The following POM121 variants were observed in gnomAD, a reference collection of about 807,000 sequenced individuals.
The protein encoded by POM121 is POM121 transmembrane nucleoporin.
Under a neutral mutation model 81.3 loss-of-function variants are expected in POM121, and 32 were observed. The ratio of observed to expected loss-of-function variants is 0.39; its 90% CI spans 0.30 to 0.53. The LOEUF (loss-of-function observed/expected upper bound fraction) is 0.53, where lower values mean the gene tolerates loss of function less well. POM121 is among the 20% of genes least tolerant of loss of function. The pLI is 0.66. For missense variants in POM121, 1,138 were observed against 1,614.6 expected, an observed-to-expected ratio of 0.70 and a Z score of 5.06; for synonymous variants, 514 against 694.2, an observed-to-expected ratio of 0.74 and a Z score of 4.08.
chr7:72,895,001 A>C (rs1554491520), intron 3 of POM121, among the ~76,000 whole-genome samples: 3 of 151,990 alleles, frequency 2.0e-5, no homozygotes, highest in Non-Finnish European at 2.9e-5. Context: ...AATTTTTAAA[A>C]ATTTTCTATA....
upstream of POM121, chr7:72,924,970 C>T: frequency 7.9e-7 from 1 of 1,263,878 alleles, no homozygotes; most frequent in South Asian, 2.2e-5. Context: ...TAAAGGCAGG[C>T]GGCATTTTCC....
chr7:72,933,322 C>T (rs1554498915), intron 5 of POM121, among the ~76,000 whole-genome samples: 2 of 152,188 alleles, frequency 1.3e-5, no homozygotes, highest in African/African-American at 4.8e-5. Context: ...CACTGCCCTC[C>T]AGCCTGGACG....
At chr7:72,914,080 A>G (rs1554494747) in intron 4 of POM121, among the ~76,000 whole-genome samples, 2 of 152,250 alleles carry the variant, frequency 1.3e-5, no homozygotes, top group Non-Finnish European at 2.9e-5. Context: ...TAAAAATGCC[A>G]TGCCCTTCTG....
chr7:72,908,956 C>T (rs781968860), intron 3 of POM121, among the ~76,000 whole-genome samples: 5 of 151,906 alleles, frequency 3.3e-5, no homozygotes, highest in Non-Finnish European at 5.9e-5. Context: ...CCTCAGTTTA[C>T]GAAGATGATG....
downstream of POM121, chr7:72,950,043 A>G (rs370576443): frequency 1.9e-5 from 29 of 1,545,808 alleles, 1 homozygote; most frequent in Middle Eastern, 5.4e-4. Flanking sequence ...TCCCTTTTCT[A>G]TTCCTCTTGC....
Position 72,926,796 on chromosome 7 carries a change from T to C in POM121, c.861-6T>C. 1 of 1,613,254 alleles carries C rather than the reference T, an allele frequency of 6.2e-7. No homozygotes were observed. On this transcript the variant is annotated splice_region_variant and splice_polypyrimidine_tract_variant and intron_variant, in intron 2 of 12. Transcript: ENST00000434423. ...CTTACAGCTAGAATCTTGTCTTTCATTGTAGACCAGAGCAGATAATCAGCT... is the reference window on the plus strand; with the variant it reads ...CTTACAGCTAGAATCTTGTCTTTCACTGTAGACCAGAGCAGATAATCAGCT...
intron 4 of POM121, among the ~76,000 whole-genome samples, chr7:72,916,925 G>A (rs1464334722): frequency 2.0e-5 from 3 of 152,172 alleles, no homozygotes; most frequent in Non-Finnish European, 2.9e-5. Flanking sequence ...TAAGTCCAAC[G>A]TCTGGGCTTC....
chr7:72,920,769 C>T (rs547218374), upstream of POM121, among the ~76,000 whole-genome samples: 1 of 152,324 alleles, frequency 6.6e-6, no homozygotes, highest in South Asian at 2.1e-4. Context: ...GGGTCCAGAG[C>T]AGTGCTCAAT....
chr7:72,930,036 T>G lies in POM121; in HGVS notation c.1200T>G (p.Ala400=). 1 of 1,614,002 alleles carries G rather than the reference T, an allele frequency of 6.2e-7. No individual in the cohort carries two copies. Among genetic ancestry groups the G allele is most frequent in the South Asian group, 1.1e-5 (1 of 91,078 alleles). ...RSSSMSSLTG[A]YASGIPSSSR... ...CTTCCATGAGCTCCTTGACAGGCGC[T>G]TACGCAAGTGGCATCCCTAGCTCCA... Residue 400 remains alanine (A), a synonymous_variant, in exon 5 of 13, where the codon GCT becomes GCG. Transcript: ENST00000434423.
In POM121 at chr7:72,925,527, C is replaced by T; in HGVS notation, c.406C>T (p.Leu136Phe). Reference protein sequence around the residue: ...LEGPDPAELLLMGSYLGKPGP... With the variant: ...LEGPDPAELLFMGSYLGKPGP... The stretch of plus-strand genomic sequence containing the variant: ...AGGACCTGACCCTGCGGAACTGCTA[C>T]TCATGGGCAGTTACCTGGGCAAGCC... Residue 136 changes from leucine (L) to phenylalanine (F), a missense_variant, in exon 1 of 13, where the codon CTC (leucine) becomes TTC (phenylalanine). Physicochemically the swap from Leu to Phe is conservative, Grantham distance 22. Coordinates refer to ENST00000434423, the MANE Select transcript of POM121 (RefSeq NM_001387691.1). 1 of 1,533,374 alleles carries T rather than the reference C, an allele frequency of 6.5e-7. No homozygotes were observed. The allele number at this position is 1,533,374 out of a possible 1,614,324, so 95.0% of individuals were successfully genotyped here. A position where few individuals can be genotyped will look rare whatever the true frequency, so the allele number is the denominator to read the frequency against.
chr7:72,945,829 G>A (rs1416402175), intron 12 of POM121, 121 bp downstream of exon 12: 16 of 1,459,418 alleles, frequency 1.1e-5, no homozygotes, highest in Admixed American at 7.6e-5. Context: ...AAGACATTTC[G>A]GGTTAGGAGT....
chr7:72,949,803 A>C, downstream of POM121: 1 of 1,198,838 alleles, frequency 8.3e-7, no homozygotes, highest in Admixed American at 1.7e-5. Context: ...TGAAAGGCAC[A>C]AAATCAAACC....
chr7:72,932,575 G>C (rs1554498795), intron 5 of POM121, among the ~76,000 whole-genome samples: 3 of 152,210 alleles, frequency 2.0e-5, no homozygotes, highest in African/African-American at 7.2e-5. Context: ...GTTCCTAGAA[G>C]TCAGATTCCC....
chr7:72,929,916 TCTAA>T lies in POM121; in HGVS notation c.1104-21_1104-18del, dbSNP rs550766998. On this transcript the variant is annotated intron_variant, in intron 4 of 12. Coordinates refer to ENST00000434423, the MANE Select transcript of POM121 (RefSeq NM_001387691.1). The stretch of plus-strand genomic sequence containing the variant: ...AAAGAATTTTGCCTTCAATAAAGCA[TCTAA>T]CTGTCTTCTCTTTTATTAGGCCTGG... The T allele has an allele frequency of 5.1e-4, 790 of 1,564,314 alleles. 6 individuals carry two copies. In the African/African-American group the frequency reaches 9.9e-3, roughly 20 times the overall value.
rs1314585148 is a variant in POM121, at chr7:72,945,866, G to A, written c.3652+158G>A. 3.9e-5 allele frequency among the ~76,000 whole-genome samples: 6 copies of A among 152,114 alleles called. 1 individual carries two copies. Among genetic ancestry groups the A allele is most frequent in the Non-Finnish European group, 8.8e-5 (6 of 68,010 alleles). On this transcript the variant is annotated intron_variant, in intron 12 of 12. Coordinates refer to ENST00000434423, the MANE Select transcript of POM121 (RefSeq NM_001387691.1). ...CAGCACAACCCAGGGATGGGAGTTG[G>A]ATGGCAGAGATCAGAGAGGAGCTGT... is the stretch of plus-strand genomic sequence containing the variant.
upstream of POM121, chr7:72,924,891 C>T (rs562218997): frequency 8.0e-6 from 5 of 625,060 alleles, no homozygotes; most frequent in Non-Finnish European, 1.2e-5. Context: ...GATCCTTCCA[C>T]GGGATCGCCT....
chr7:72,925,695 C>T lies in POM121; in HGVS notation c.574C>T (p.His192Tyr). The change falls in exon 1 of 13, where the codon CAT (histidine) becomes TAT (tyrosine). Residue 192 changes from histidine to tyrosine, a missense_variant. His to Tyr is a moderately conservative substitution (Grantham distance 83). This residue lies in a region of POM121 where 646 missense variants were observed against 633.5 expected (regional missense o/e 1.02). Coordinates refer to ENST00000434423, the MANE Select transcript of POM121 (RefSeq NM_001387691.1). ...PRSPPPSPPT[H>Y]RAHHVYPSLP... ...CTCCCCCCCGCCCTCCCCGCCGACC[C>T]ATCGCGCTCACCACGTTTACCCCTC... The T allele has an allele frequency of 7.7e-7, 1 of 1,295,538 alleles. No individual in the cohort carries two copies. Among genetic ancestry groups the T allele is most frequent in the Non-Finnish European group, 9.8e-7 (1 of 1,020,526 alleles). The allele number at this position is 1,295,538 out of a possible 1,614,324, so 80.3% of individuals were successfully genotyped here. A position where few individuals can be genotyped will look rare whatever the true frequency, so the allele number is the denominator to read the frequency against.
chr7:72,896,947 G>A (rs567510886), intron 3 of POM121, among the ~76,000 whole-genome samples: 778 of 152,356 alleles, frequency 5.1e-3, no homozygotes, highest in Middle Eastern at 0.014. Context: ...AAGGCCGGGC[G>A]TGGTGGCTCA....
chr7:72,893,952 C>G (rs1274859021), intron 3 of POM121, among the ~76,000 whole-genome samples: 43 of 152,152 alleles, frequency 2.8e-4, no homozygotes, highest in African/African-American at 9.2e-4. Flanking sequence ...GCCCCCTCCC[C>G]CTGCCCCCGT....
Sources: allele counts gnomAD v4.1 joint callset (sites outside exome capture counted in the v4.1 genomes callset), GRCh38; gene constraint gnomAD v4.1.1; regional missense constraint gnomAD v4.1.1; transcripts MANE v1.5; gene names NCBI Gene and HGNC (gene_info 2026-07-23, HGNC 2026-07-21).